UGT1A9: variants seen among roughly 807,000 people sequenced by gnomAD.
UGT1A9 encodes the protein UDP glucuronosyltransferase family 1 member A9, also known as UDP-glucuronosyltransferase 1A9.
Under a neutral mutation model 45.0 loss-of-function variants are expected in UGT1A9, and 35 were observed. That is an observed-to-expected ratio of 0.78 (90% CI 0.59 to 1.03). The LOEUF is 1.03. Ranked by LOEUF, UGT1A9 falls within the 50% of genes least tolerant of loss-of-function variation. The pLI is 0.00. For missense variants in UGT1A9, 687 were observed against 666.6 expected (o/e 1.03, Z -0.34); for synonymous variants, 278 against 250.6 (o/e 1.11, Z -1.03).
At chr2:233,683,513 A>G (rs1257714769) in intron 1 of UGT1A9, among the ~76,000 whole-genome samples, 1 of 152,092 alleles carries the variant, frequency 6.6e-6, no homozygotes, top group Admixed American at 6.5e-5. Context: ...TCATCCTATG[A>G]GTATGGTTGC....
At chr2:233,687,422 C>T (rs907615477) in intron 1 of UGT1A9, among the ~76,000 whole-genome samples, 1 of 151,774 alleles carries the variant, frequency 6.6e-6, no homozygotes, top group East Asian at 1.9e-4. Context: ...GGAGGCTTAC[C>T]GTGTACCAGG....
intron 1 of UGT1A9, among the ~76,000 whole-genome samples, chr2:233,689,694 G>A (rs910850129): frequency 5.9e-5 from 9 of 152,284 alleles, no homozygotes; most frequent in Non-Finnish European, 7.4e-5. Context: ...GAGTTCAGTC[G>A]TTATTTCCCC....
intron 1 of UGT1A9, chr2:233,719,579 C>T (rs112157197): frequency 5.0e-5 from 80 of 1,613,916 alleles, no homozygotes; most frequent in South Asian, 2.2e-4. Flanking sequence ...GCTATGCATC[C>T]GTGTGGCTGT....
Position 233,769,477 on chromosome 2 carries a change from G to T in UGT1A9, c.1295+1038G>T. The T allele has an allele frequency of 6.2e-7, 1 of 1,611,324 alleles. No individual in the cohort carries two copies. The highest frequency in any genetic ancestry group is 8.5e-7 in the Non-Finnish European group (1 of 1,178,664). On this transcript the variant is annotated intron_variant, in intron 4 of 4. Coordinates refer to ENST00000354728, the MANE Select transcript of UGT1A9 (RefSeq NM_021027.3). This position sits in a 1 kb window ranked among gnomAD's most constrained non-coding sequence, Gnocchi z 4.4. Reference sequence around the variant, plus strand: ...TGCATTCATATGCGTGTGTGTGTGTGTGCGTGTGTTTATGAGAGTGTCCAT... The same window carrying T: ...TGCATTCATATGCGTGTGTGTGTGTTTGCGTGTGTTTATGAGAGTGTCCAT...
rs1355889439 is a variant in UGT1A9 at position 233,672,244 on chromosome 2, A to G, written c.310A>G (p.Ser104Gly). Residue 104 changes from serine (S) to glycine (G), a missense_variant, in exon 1 of 5, where the codon AGT (serine) becomes GGT (glycine). Transcript: ENST00000354728. ...TGCTCAATGGAAAGCACAAGTACGA[A>G]GTATATATTCTCTATTAATGGGTTC... is the stretch of plus-strand genomic sequence containing the variant. ...AHAQWKAQVR[S>G]IYSLLMGSYN... The G allele has an allele frequency of 6.2e-7, 1 of 1,613,862 alleles. No homozygotes were observed. Among genetic ancestry groups the G allele is most frequent in the Non-Finnish European group, 8.5e-7 (1 of 1,179,806 alleles).
chr2:233,707,988 T>C (rs2075998720), intron 1 of UGT1A9, among the ~76,000 whole-genome samples: 1 of 152,244 alleles, frequency 6.6e-6, no homozygotes, highest in South Asian at 2.1e-4. Flanking sequence ...CTGGGTTGTC[T>C]ACTCGAATTA....
At chr2:233,681,080 C>T (rs983735486) in intron 1 of UGT1A9, among the ~76,000 whole-genome samples, 2 of 151,696 alleles carry the variant, frequency 1.3e-5, no homozygotes, top group African/African-American at 4.8e-5. Flanking sequence ...AATTGTGGCT[C>T]ACCTGTGTCT....
At chr2:233,697,189 C>T (rs1604144) in intron 1 of UGT1A9, among the ~76,000 whole-genome samples, 49,533 of 151,890 alleles carry the variant, frequency 0.33, 8,582 homozygotes, top group African/African-American at 0.44. Context: ...TAGAATTCAG[C>T]AGTGAATCCA....
intron 1 of UGT1A9, chr2:233,690,899 ATAGTGATGTTAGTT>A: frequency 1.9e-6 from 2 of 1,035,238 alleles, no homozygotes; most frequent in Non-Finnish European, 1.2e-6. Flanking sequence ...GATGGTATGC[ATAGTGATGTTAGTT>A]TCATTTCTTC....
intron 1 of UGT1A9, among the ~76,000 whole-genome samples, chr2:233,732,534 T>G (rs1352796772): frequency 6.6e-6 from 1 of 152,222 alleles, no homozygotes; most frequent in East Asian, 1.9e-4. Context: ...ATATGGCCAG[T>G]TTTCCCAGCA....
intron 1 of UGT1A9, chr2:233,708,835 T>G (rs2076042960): frequency 6.6e-6 from 1 of 152,160 alleles, no homozygotes; most frequent in South Asian, 2.1e-4. Context: ...GTGAATTTGT[T>G]GCAGGGCTTT....
At chr2:233,746,289 G>C (rs1163006960) in intron 1 of UGT1A9, among the ~76,000 whole-genome samples, 3 of 151,692 alleles carry the variant, frequency 2.0e-5, no homozygotes, top group Admixed American at 2.0e-4. Context: ...AAGGAAGGTG[G>C]CTTTGTTTCC....
intron 1 of UGT1A9, among the ~76,000 whole-genome samples, chr2:233,696,091 T>TCAAAA (rs918260053): frequency 2.6e-4 from 39 of 152,170 alleles, no homozygotes; most frequent in Admixed American, 1.9e-3. Flanking sequence ...TGGAGAGTCT[T>TCAAAA]CAAAACAAAA....
At chr2:233,715,374 C>CGT (rs2076448384) in intron 1 of UGT1A9, among the ~76,000 whole-genome samples, 1 of 152,106 alleles carries the variant, frequency 6.6e-6, no homozygotes, top group South Asian at 2.1e-4. Context: ...ATTTTCTTCA[C>CGT]AGTTTGCTGT....
chr2:233,744,768 G>A (rs116261344), intron 1 of UGT1A9, among the ~76,000 whole-genome samples: 5,132 of 151,930 alleles, frequency 0.034, 157 homozygotes, highest in African/African-American at 0.051. Context: ...TTTTAACTTT[G>A]CAAAATTCTC....
chr2:233,689,700 TC>T (rs979532238), intron 1 of UGT1A9, among the ~76,000 whole-genome samples: 4 of 152,142 alleles, frequency 2.6e-5, no homozygotes, highest in African/African-American at 9.7e-5. Flanking sequence ...AGTCGTTATT[TC>T]CCCTTATCTG....
intron 1 of UGT1A9, among the ~76,000 whole-genome samples, chr2:233,681,165 G>A (rs1380306797): frequency 4.0e-5 from 6 of 151,768 alleles, no homozygotes; most frequent in African/African-American, 7.3e-5. Context: ...GGAGGTCAAC[G>A]CTAAGACCCT....
chr2:233,755,000 G>C, intron 1 of UGT1A9: 1 of 1,293,096 alleles, frequency 7.7e-7, no homozygotes, highest in Non-Finnish European at 1.0e-6. Flanking sequence ...GGAAGCTGAA[G>C]ACCTACTCGA....
chr2:233,672,498 C>T lies in UGT1A9; in HGVS notation c.564C>T (p.Ser188=). 2 of 1,613,914 alleles carry T rather than the reference C, an allele frequency of 1.2e-6. No individual in the cohort carries two copies. Among genetic ancestry groups the T allele is most frequent in the South Asian group, 1.1e-5 (1 of 91,070 alleles). The change falls in exon 1 of 5, where the codon TCC becomes TCT. Residue 188 remains serine (S), a synonymous_variant. Transcript: ENST00000354728. ...GTGCACAGTGCCCTGCTCCTCTTTCCTATGTCCCCAGAATTCTCTTAGGGT... is the reference window on the plus strand; with the variant it reads ...GTGCACAGTGCCCTGCTCCTCTTTCTTATGTCCCCAGAATTCTCTTAGGGT... The part of the protein sequence containing the change: ...EEGAQCPAPL[S]YVPRILLGFS...
Sources: allele counts gnomAD v4.1 joint callset (sites outside exome capture counted in the v4.1 genomes callset), GRCh38; gene constraint gnomAD v4.1.1; non-coding constraint Gnocchi (gnomAD v3.1); transcripts MANE v1.5; gene names NCBI Gene and HGNC (gene_info 2026-07-23, HGNC 2026-07-21).